Variants in SLC43A2 observed in about 807,000 individuals in gnomAD.
The protein encoded by SLC43A2 is solute carrier family 43 member 2.
A neutral mutation model predicts 63.2 loss-of-function variants in SLC43A2; 38 were observed. The observed-to-expected ratio is 0.60, with a 90% CI of 0.46 to 0.79. The LOEUF is 0.79. Ranked by LOEUF, SLC43A2 falls within the 30% of genes least tolerant of loss-of-function variation. The pLI is 0.00. For synonymous variants in SLC43A2, 322 were observed against 331.0 expected (o/e 0.97, Z 0.30); for missense variants, 644 against 756.2 (o/e 0.85, Z 1.74).
chr17:1,627,646 GCCCCCATCCC>G, intron 2 of SLC43A2, 59 bp downstream of exon 2: 1 of 733,226 alleles, frequency 1.4e-6, no homozygotes, highest in Non-Finnish European at 2.1e-6. Flanking sequence ...CTAGGTCTTC[GCCCCCATCCC>G]GCCCCCTCCC....
intron 5 of SLC43A2, among the ~76,000 whole-genome samples, chr17:1,602,500 G>C (rs989022397): frequency 5.3e-5 from 8 of 151,836 alleles, no homozygotes; most frequent in Non-Finnish European, 1.0e-4. Context: ...ACAAAAATTA[G>C]CCGGACATGG....
rs1355166114 is a variant in SLC43A2, at chr17:1,570,490, T to C, written c.*5114A>G. ...CACTGAAAACGATGCTACCATTGTTTTTTTTTTTTTTTTTGAGACGGAGTC... is the reference window on the plus strand; with the variant it reads ...CACTGAAAACGATGCTACCATTGTTCTTTTTTTTTTTTTTGAGACGGAGTC... On this transcript the variant is annotated 3_prime_UTR_variant, in exon 14 of 14. Transcript: ENST00000301335. 6.7e-6 allele frequency: 1 copy of C among 150,114 alleles called. No homozygotes were observed. The highest frequency in any genetic ancestry group is 1.5e-5 in the Non-Finnish European group (1 of 67,314). The allele number at this position is 150,114 out of a possible 1,614,324, so 9.3% of individuals were successfully genotyped here. A position where few individuals can be genotyped will look rare whatever the true frequency, so the allele number is the denominator to read the frequency against.
rs768392601 is a variant in SLC43A2, at chr17:1,613,246, G to A, written c.450C>T (p.Ala150=). 3.1e-6 allele frequency: 5 copies of A among 1,614,028 alleles called. No homozygotes were observed. The highest frequency in any genetic ancestry group is 1.3e-5 in the African/African-American group (1 of 74,922). The stretch of plus-strand genomic sequence containing the variant: ...TCCCACCAAAGCCATTCAGAGCCAG[G>A]GCGATGAAGATGAGCACGGAGAGAG... ...PNALSVLIFI[A]LALNGFGGMC... Residue 150 remains alanine (A), a synonymous_variant, in exon 5 of 14, where the codon GCC becomes GCT. Coordinates refer to ENST00000301335, the MANE Select transcript of SLC43A2 (RefSeq NM_152346.3).
chr17:1,586,023 C>T lies in SLC43A2; in HGVS notation c.1107G>A (p.Val369=). 1.9e-6 allele frequency: 3 copies of T among 1,607,546 alleles called. No homozygotes were observed. Among genetic ancestry groups the T allele is most frequent in the Non-Finnish European group, 2.5e-6 (3 of 1,177,374 alleles). Residue 369 remains valine, a synonymous_variant, in exon 10 of 14, where the codon GTG becomes GTA. Coordinates refer to ENST00000301335, the MANE Select transcript of SLC43A2 (RefSeq NM_152346.3). ...CCGTCAGCAGGCACAGCAGCTGGAGCACGCCGAAGATGGAGGTGTAGAGGC... is the reference window on the plus strand; with the variant it reads ...CCGTCAGCAGGCACAGCAGCTGGAGTACGCCGAAGATGGAGGTGTAGAGGC... The part of the protein sequence containing the change: ...TVGLYTSIFG[V]LQLLCLLTAP...
intron 9 of SLC43A2, among the ~76,000 whole-genome samples, chr17:1,590,601 G>A (rs1358302328): frequency 6.6e-6 from 1 of 152,164 alleles, no homozygotes; most frequent in Admixed American, 6.6e-5. Context: ...CTCCCTCCTG[G>A]ACCAGGAAAC....
chr17:1,629,523 C>T (rs1293105590), upstream of SLC43A2, among the ~76,000 whole-genome samples: 1 of 152,234 alleles, frequency 6.6e-6, no homozygotes, highest in South Asian at 2.1e-4. Context: ...GGAAGTTGGC[C>T]CTTGGAAATC....
chr17:1,621,164 C>A (rs150672956), intron 2 of SLC43A2, among the ~76,000 whole-genome samples: 1 of 152,188 alleles, frequency 6.6e-6, no homozygotes, highest in African/African-American at 2.4e-5. Context: ...AGAAGACGCA[C>A]AAGATCTTTA....
chr17:1,594,574 TTTTC>T (rs1407286478), intron 5 of SLC43A2, among the ~76,000 whole-genome samples: 1 of 141,488 alleles, frequency 7.1e-6, no homozygotes, highest in African/African-American at 2.6e-5. Context: ...TCTTGAATCT[TTTTC>T]TTTCTTTCTT....
intron 9 of SLC43A2, 135 bp downstream of exon 9, chr17:1,590,667 G>A (rs1223910479): frequency 6.1e-6 from 7 of 1,143,028 alleles, no homozygotes; most frequent in African/African-American, 3.1e-5. Flanking sequence ...TAGCTCTGAC[G>A]GGCAGACAGC....
In SLC43A2 at chr17:1,573,752, TG is replaced by T. The variant is rs1370086272; in HGVS notation, c.*1851del. 6.6e-6 allele frequency: 1 copy of T among 152,208 alleles called. No individual in the cohort carries two copies. Among genetic ancestry groups the T allele is most frequent in the Non-Finnish European group, 1.5e-5 (1 of 68,066 alleles). The allele number at this position is 152,208 out of a possible 1,614,324, so 9.4% of individuals were successfully genotyped here. A position where few individuals can be genotyped will look rare whatever the true frequency, so the allele number is the denominator to read the frequency against. The stretch of plus-strand genomic sequence containing the variant: ...CTCCTGCCTCAGGCTCCCGAGTAGT[TG>T]GGATTACAGGCGCACGCCACCACGC... On this transcript the variant is annotated 3_prime_UTR_variant, in exon 14 of 14. Coordinates refer to ENST00000301335, the MANE Select transcript of SLC43A2 (RefSeq NM_152346.3).
chr17:1,576,631 G>A lies in SLC43A2; in HGVS notation c.1514C>T (p.Ala505Val). The A allele has an allele frequency of 6.2e-7, 1 of 1,610,324 alleles. No homozygotes were observed. Among genetic ancestry groups the A allele is most frequent in the Non-Finnish European group, 8.5e-7 (1 of 1,179,952 alleles). ...FALLQQPLFL[A>V]MMGPLQGDPL... ...GTCTCCCTGGAGAGGACCCATCATG[G>A]CCAGAAACAGCGGCTGCTGCAGAAG... Residue 505 changes from alanine to valine, a missense_variant, in exon 13 of 14, where the codon GCC (alanine) becomes GTC (valine). By Grantham distance (64) the Ala-to-Val change is moderately conservative. Coordinates refer to ENST00000301335, the MANE Select transcript of SLC43A2 (RefSeq NM_152346.3).
chr17:1,586,662 C>T (rs1040212349), intron 9 of SLC43A2, among the ~76,000 whole-genome samples: 5 of 152,052 alleles, frequency 3.3e-5, no homozygotes, highest in Non-Finnish European at 7.4e-5. Context: ...CTCTGCACTC[C>T]ACCCTGGGCA....
Position 1,570,284 on chromosome 17 carries a change from G to T in SLC43A2, c.*5320C>A, listed in dbSNP as rs9890887. 4.0e-3 allele frequency: 612 copies of T among 151,760 alleles called. 1 individual carries two copies. The highest frequency in any genetic ancestry group is 5.3e-3 in the Non-Finnish European group (361 of 67,970). The allele number at this position is 151,760 out of a possible 1,614,324, so 9.4% of individuals were successfully genotyped here. ...ACCTCAAGTGATCCACCCCGCCCCC[G>T]CTTCGGCCTCCCAAAGCACTGGGAT... On this transcript the variant is annotated 3_prime_UTR_variant, in exon 14 of 14. Coordinates refer to ENST00000301335, the MANE Select transcript of SLC43A2 (RefSeq NM_152346.3).
chr17:1,586,246 C>T (rs1169687246), intron 9 of SLC43A2, among the ~76,000 whole-genome samples, 195 bp from the exon 10 acceptor site: 1 of 152,162 alleles, frequency 6.6e-6, no homozygotes, highest in Non-Finnish European at 1.5e-5. Flanking sequence ...GGCAGGTCAC[C>T]TTCTTCTCGG....
At position 1,590,879 on chromosome 17, in the gene SLC43A2, G is replaced by A. The variant is rs779514207; in HGVS notation, c.1001C>T (p.Thr334Met). The change falls in exon 9 of 14, where the codon ACG becomes ATG. Residue 334 changes from threonine to methionine, a missense_variant. Physicochemically the swap from Thr to Met is moderately conservative, Grantham distance 81. Around this residue, in one of 3 missense-constraint regions of SLC43A2, gnomAD observed 528 missense variants for 623.6 expected, o/e 0.85. Coordinates refer to ENST00000301335, the MANE Select transcript of SLC43A2 (RefSeq NM_152346.3). ...LLLSLVTMCV[T>M]QLRLIFYMGA... Reference sequence around the variant, plus strand: ...CATGTAGAAGATGAGCCGCAGCTGCGTGACGCACATGGTGACCAGGCTGAG... The same window carrying A: ...CATGTAGAAGATGAGCCGCAGCTGCATGACGCACATGGTGACCAGGCTGAG... 26 of 1,553,548 alleles carry A rather than the reference G, an allele frequency of 1.7e-5. No individual in the cohort carries two copies. In the East Asian group the frequency reaches 2.4e-4, roughly 14 times the overall value.
In SLC43A2 at chr17:1,577,433, C is replaced by A. The variant is rs2075951390; in HGVS notation, c.1425-713G>T. 6.6e-6 allele frequency among the ~76,000 whole-genome samples: 1 copy of A among 152,196 alleles called. No individual in the cohort carries two copies. The highest frequency in any genetic ancestry group is 1.5e-5 in the Non-Finnish European group (1 of 68,024). On this transcript the variant is annotated intron_variant, in intron 12 of 13. Coordinates refer to ENST00000301335, the MANE Select transcript of SLC43A2 (RefSeq NM_152346.3). This position sits in a 1 kb window ranked among gnomAD's most constrained non-coding sequence, Gnocchi z 4.9. ...ACAGATCCCGCCCCCCTCCCTCAGA[C>A]CCTGCCAGGACAGCCACAGCTTCCT...
Position 1,578,650 on chromosome 17 carries a change from T to G in SLC43A2, c.1351-327A>C. The G allele has an allele frequency of 3.6e-6, 1 of 277,270 alleles. No individual in the cohort carries two copies. The highest frequency in any genetic ancestry group is 6.9e-6 in the Non-Finnish European group (1 of 144,830). The allele number at this position is 277,270 out of a possible 1,614,324, so 17.2% of individuals were successfully genotyped here. A position where few individuals can be genotyped will look rare whatever the true frequency, so the allele number is the denominator to read the frequency against. ...TCAAGCAATTCTCCTGCCTCAGCCTTCGGAGTAGCTAGGATTACAGGCCCA... is the reference window on the plus strand; with the variant it reads ...TCAAGCAATTCTCCTGCCTCAGCCTGCGGAGTAGCTAGGATTACAGGCCCA... On this transcript the variant is annotated intron_variant, in intron 11 of 13. Coordinates refer to ENST00000301335, the MANE Select transcript of SLC43A2 (RefSeq NM_152346.3). The surrounding 1 kb of genome is among the most constrained non-coding windows in gnomAD (Gnocchi z 6.5).
Position 1,613,924 on chromosome 17 carries a change from C to T in SLC43A2, c.425-653G>A, listed in dbSNP as rs190760091. ...GACCAGCCTGGGCAACAAAGTGAGA[C>T]CCCATTTCTAAAAAAAAGTTAAAAA... On this transcript the variant is annotated intron_variant, in intron 4 of 13. Transcript: ENST00000301335. 5.4e-4 allele frequency among the ~76,000 whole-genome samples: 82 copies of T among 152,150 alleles called. 2 individuals are homozygous for T. In the East Asian group the frequency reaches 0.014, roughly 25 times the overall value.
chr17:1,582,603 T>C (rs1398340856), intron 11 of SLC43A2, among the ~76,000 whole-genome samples: 1 of 152,174 alleles, frequency 6.6e-6, no homozygotes, highest in Non-Finnish European at 1.5e-5. Context: ...GATGGTGGTA[T>C]CCACGGTTAT....
Sources: allele counts gnomAD v4.1 joint callset (sites outside exome capture counted in the v4.1 genomes callset), GRCh38; gene constraint gnomAD v4.1.1; regional missense constraint gnomAD v4.1.1; non-coding constraint Gnocchi (gnomAD v3.1); transcripts MANE v1.5; gene names NCBI Gene and HGNC (gene_info 2026-07-23, HGNC 2026-07-21).